PGR: variants seen among roughly 807,000 people sequenced by gnomAD.
The protein encoded by PGR is nuclear receptor subfamily 3 group C member 3.
In PGR, 25 loss-of-function variants were observed where a neutral mutation model predicts 76.1. That is an observed-to-expected ratio of 0.33 (90% confidence interval 0.24 to 0.46). The LOEUF (loss-of-function observed/expected upper bound fraction) is 0.46. Ranked by LOEUF, PGR falls within the 20% of genes least tolerant of loss-of-function variation. PGR has a pLI of 1.00. For missense variants in PGR, 1,172 were observed against 1,225.3 expected, an observed-to-expected ratio of 0.96 and a Z score of 0.65; for synonymous variants, 579 against 535.0, an observed-to-expected ratio of 1.08 and a Z score of -1.14.
intron 4 of PGR, among the ~76,000 whole-genome samples, chr11:101,053,845 C>T (rs976484274): frequency 2.6e-5 from 4 of 151,674 alleles, no homozygotes; most frequent in African/African-American, 9.7e-5. Flanking sequence ...TCTGTGTGGG[C>T]AGAGTTCCCC....
intron 3 of PGR, among the ~76,000 whole-genome samples, chr11:101,067,770 G>A (rs939494903): frequency 6.6e-6 from 1 of 151,682 alleles, no homozygotes; most frequent in Admixed American, 6.6e-5. Flanking sequence ...TACAGTGTAG[G>A]AAAAAACAAA....
chr11:101,053,534 T>TC (rs1860172180), intron 4 of PGR, among the ~76,000 whole-genome samples: 2 of 107,452 alleles, frequency 1.9e-5, no homozygotes, highest in South Asian at 7.8e-4. Context: ...CTTTCTTCCC[T>TC]CCCCTTCTCC....
intron 2 of PGR, among the ~76,000 whole-genome samples, chr11:101,094,050 C>T (rs1452574247): frequency 1.3e-5 from 2 of 152,148 alleles, no homozygotes; most frequent in Non-Finnish European, 1.5e-5. Context: ...CCATCAATTT[C>T]CTCCTTTCTC....
At chr11:101,047,304 A>G (rs1859922933) in intron 6 of PGR, among the ~76,000 whole-genome samples, 1 of 152,176 alleles carries the variant, frequency 6.6e-6, no homozygotes, top group Admixed American at 6.6e-5. Context: ...GCCAGTTTGG[A>G]AGATCTAGGA....
chr11:101,124,049 C>T (rs1223711724), intron 2 of PGR, among the ~76,000 whole-genome samples: 2 of 152,154 alleles, frequency 1.3e-5, no homozygotes, highest in Non-Finnish European at 2.9e-5. Flanking sequence ...GTATCTTTGG[C>T]ATAAATTGCT....
chr11:101,043,624 T>C (rs1859768867), intron 6 of PGR, among the ~76,000 whole-genome samples: 1 of 152,182 alleles, frequency 6.6e-6, no homozygotes, highest in African/African-American at 2.4e-5. Context: ...GCCACAGCTT[T>C]ACAAAATATA....
chr11:101,093,985 G>C (rs1421079655), intron 2 of PGR, among the ~76,000 whole-genome samples: 1 of 152,048 alleles, frequency 6.6e-6, no homozygotes, highest in African/African-American at 2.4e-5. Context: ...CCTTACCAAT[G>C]GTTTTTGCTT....
At chr11:101,061,683 G>A (rs1052637677) in intron 4 of PGR, among the ~76,000 whole-genome samples, 2 of 152,088 alleles carry the variant, frequency 1.3e-5, no homozygotes, top group Non-Finnish European at 2.9e-5. Flanking sequence ...TCTAATTATA[G>A]GAGTAATGCC....
intron 2 of PGR, among the ~76,000 whole-genome samples, chr11:101,095,226 T>C (rs1295564689): frequency 6.6e-6 from 1 of 152,236 alleles, no homozygotes; most frequent in Non-Finnish European, 1.5e-5. Flanking sequence ...GTATTGAGTA[T>C]CTACTATATC....
intron 4 of PGR, among the ~76,000 whole-genome samples, chr11:101,055,513 C>T (rs1345393658): frequency 6.7e-6 from 1 of 150,336 alleles, no homozygotes; most frequent in African/African-American, 2.4e-5. Flanking sequence ...CAATAATCTC[C>T]ACAAATACAT....
chr11:101,063,288 C>A (rs1860582433), intron 3 of PGR: 1 of 152,686 alleles, frequency 6.5e-6, no homozygotes, highest in Admixed American at 6.5e-5. Context: ...TCAGTAGGTT[C>A]ATTGATCCCT....
Position 101,032,051 on chromosome 11 carries a change from A to C in PGR, c.*7065T>G. ...TAGAATTCTGGGACTTGGGAAAACT[A>C]AGTTTTGTAGTTTTTGGTTTCCTGA... On this transcript the variant is annotated 3_prime_UTR_variant, in exon 8 of 8. Transcript: ENST00000325455. The C allele has an allele frequency of 4.3e-6, 1 of 232,820 alleles. No homozygotes were observed. The highest frequency in any genetic ancestry group is 8.5e-6 in the Non-Finnish European group (1 of 117,832). The allele number at this position is 232,820 out of a possible 1,614,324, so 14.4% of individuals were successfully genotyped here.
chr11:101,088,484 A>G (rs1351686102), intron 3 of PGR, among the ~76,000 whole-genome samples: 1 of 152,064 alleles, frequency 6.6e-6, no homozygotes, highest in Non-Finnish European at 1.5e-5. Flanking sequence ...GGCGCCTGCC[A>G]CCATGCCTGG....
At chr11:101,111,285 A>G (rs78571520) in intron 2 of PGR, among the ~76,000 whole-genome samples, 2,245 of 152,232 alleles carry the variant, frequency 0.015, 34 homozygotes, top group Non-Finnish European at 0.024. Flanking sequence ...CATTCTTGGT[A>G]GGGGCCACAG....
rs991309467 is a variant in PGR at position 101,066,351 on chromosome 11, A to G, written c.1907-3599T>C. Among the ~76,000 whole-genome samples the G allele has an allele frequency of 5.9e-5, 9 of 152,270 alleles. No individual in the cohort carries two copies. In the South Asian group the frequency reaches 1.9e-3, roughly 32 times the overall value. ...TAACGCTCTTATTCATTTGGCTTCC[A>G]CATATTTCATTCTTGTAGTCACTCT... On this transcript the variant is annotated intron_variant, in intron 3 of 7. Transcript: ENST00000325455.
intron 3 of PGR, among the ~76,000 whole-genome samples, chr11:101,090,260 G>T (rs1861637058): frequency 6.6e-6 from 1 of 152,162 alleles, no homozygotes; most frequent in African/African-American, 2.4e-5. Context: ...AGGTTATATT[G>T]CTGATCCCCA....
intron 3 of PGR, among the ~76,000 whole-genome samples, chr11:101,074,152 A>G (rs1017469200): frequency 6.6e-6 from 1 of 152,146 alleles, no homozygotes; most frequent in Admixed American, 6.6e-5. Flanking sequence ...TTCATCCCTG[A>G]GATGAAAGCC....
chr11:101,070,078 A>G (rs990611655), intron 3 of PGR, among the ~76,000 whole-genome samples: 3 of 151,834 alleles, frequency 2.0e-5, no homozygotes, highest in Non-Finnish European at 4.4e-5. Flanking sequence ...TCCCAACGCG[A>G]TCAACACAGA....
At chr11:101,082,510 T>C (rs1159867885) in intron 3 of PGR, among the ~76,000 whole-genome samples, 1 of 152,162 alleles carries the variant, frequency 6.6e-6, no homozygotes, top group Non-Finnish European at 1.5e-5. Context: ...AAAATGCTGA[T>C]AGTGACATGG....
Sources: allele counts gnomAD v4.1 joint callset (sites outside exome capture counted in the v4.1 genomes callset), GRCh38; gene constraint gnomAD v4.1.1; transcripts MANE v1.5; gene names NCBI Gene and HGNC (gene_info 2026-07-23, HGNC 2026-07-21).